The following SETD5 variants were observed in gnomAD, a reference collection of about 807,000 sequenced individuals.
SETD5 encodes SET domain containing 5.
A neutral mutation model predicts 153.3 loss-of-function variants in SETD5; 44 were observed. The observed-to-expected ratio is 0.29, with a 90% CI of 0.23 to 0.37. SETD5 has a LOEUF of 0.37. Among genes scored for constraint, SETD5 ranks in the 10% least tolerant of loss-of-function variants. SETD5 has a pLI of 1.00. For synonymous variants in SETD5, 716 were observed against 645.2 expected (o/e 1.11, Z -1.66); for missense variants, 1,544 against 1,768.0 (o/e 0.87, Z 2.27).
intron 1 of SETD5, among the ~76,000 whole-genome samples, chr3:9,412,386 G>GTT (rs1559356848): frequency 1.7e-5 from 2 of 114,546 alleles, no homozygotes; most frequent in African/African-American, 6.2e-5. Context: ...CACAGTTTTG[G>GTT]GTTTTTTTTT....
At chr3:9,451,686 T>A (rs1365146899) in intron 16 of SETD5, among the ~76,000 whole-genome samples, 1 of 152,108 alleles carries the variant, frequency 6.6e-6, no homozygotes, top group Non-Finnish European at 1.5e-5. Context: ...GTGCAAGGAG[T>A]CTGCCCACCT....
chr3:9,429,773 G>C, intron 3 of SETD5: 1 of 1,187,066 alleles, frequency 8.4e-7, no homozygotes, highest in East Asian at 6.4e-5. Context: ...CCTGCTCACA[G>C]ATTCCCCCTC....
intron 3 of SETD5, chr3:9,433,319 A>T (rs2040188821): frequency 8.3e-7 from 1 of 1,202,784 alleles, no homozygotes; most frequent in East Asian, 5.8e-5. Flanking sequence ...CATCAAGATG[A>T]GAGGTATGAT....
intron 3 of SETD5, chr3:9,431,255 T>A: frequency 1.0e-6 from 1 of 985,382 alleles, no homozygotes; most frequent in Non-Finnish European, 1.2e-6. Flanking sequence ...ATTTCAGGCA[T>A]TTTCCAAGAA....
chr3:9,460,431 CTTT>C (rs74948528), intron 17 of SETD5, among the ~76,000 whole-genome samples: 2 of 138,624 alleles, frequency 1.4e-5, no homozygotes, highest in African/African-American at 2.6e-5. Context: ...AAAATCCTAA[CTTT>C]TTTTTTTTTT....
At chr3:9,399,157 C>T (rs150764090) in intron 1 of SETD5, among the ~76,000 whole-genome samples, 1 of 152,266 alleles carries the variant, frequency 6.6e-6, no homozygotes, top group Admixed American at 6.5e-5. Context: ...ATATTTGTGA[C>T]CAAGGTCATA....
intron 1 of SETD5, among the ~76,000 whole-genome samples, chr3:9,416,887 A>G (rs190768583): frequency 4.6e-5 from 7 of 152,212 alleles, no homozygotes; most frequent in Middle Eastern, 3.4e-3. Flanking sequence ...CTGGGTAGGG[A>G]ACATTGGGTT....
At chr3:9,410,836 C>A (rs919743318) in intron 1 of SETD5, among the ~76,000 whole-genome samples, 1 of 151,812 alleles carries the variant, frequency 6.6e-6, no homozygotes, top group Non-Finnish European at 1.5e-5. Context: ...TGGCTTAATA[C>A]AAGCAGTTTG....
intron 3 of SETD5, chr3:9,429,693 A>T: frequency 2.8e-6 from 1 of 354,326 alleles, no homozygotes; most frequent in Non-Finnish European, 5.1e-6. Context: ...ACAACTTTAT[A>T]TATATTATTC....
In SETD5 at chr3:9,447,076, C is replaced by T. The variant is rs762880160; in HGVS notation, c.1551C>T (p.Ala517=). 2 of 1,612,468 alleles carry T rather than the reference C, an allele frequency of 1.2e-6. No individual in the cohort carries two copies. The highest frequency in any genetic ancestry group is 4.5e-5 in the East Asian group (2 of 44,844). The change falls in exon 14 of 23, where the codon GCC becomes GCT. Residue 517 remains alanine (A), a synonymous_variant. Coordinates refer to ENST00000402198, the MANE Select transcript of SETD5 (RefSeq NM_001080517.3). The stretch of plus-strand genomic sequence containing the variant: ...CCAGGGAAGATAGAAAGGTAGAAGC[C>T]ATCATGCATGCTTTTGAAAACTTAG... ...RRTREDRKVE[A]IMHAFENLEK... is the part of the protein sequence containing the mutation.
At chr3:9,426,268 C>G (rs2039230101) in intron 2 of SETD5, 1 of 100,950 alleles carries the variant, frequency 9.9e-6, no homozygotes, top group African/African-American at 3.6e-5. Flanking sequence ...CAGGGACTCA[C>G]TTTGTTGCCC....
chr3:9,427,235 A>G (rs374761234), intron 2 of SETD5, among the ~76,000 whole-genome samples: 39 of 152,266 alleles, frequency 2.6e-4, no homozygotes, highest in African/African-American at 8.9e-4. Context: ...GGAGCATCTC[A>G]GACCATCTAC....
intron 10 of SETD5, chr3:9,442,965 G>A (rs75537699): frequency 4.7e-5 from 9 of 190,904 alleles, no homozygotes; most frequent in South Asian, 3.0e-4. Flanking sequence ...GCTTGAACCC[G>A]GGAGGCAGAG....
chr3:9,434,798 A>T lies in SETD5; in HGVS notation c.330-26A>T, dbSNP rs562770008. 7 of 1,606,466 alleles carry T rather than the reference A, an allele frequency of 4.4e-6. No individual in the cohort carries two copies. The African/African-American group carries it at 9.3e-5, about 21-fold the overall frequency. On this transcript the variant is annotated intron_variant, in intron 5 of 22. Coordinates refer to ENST00000402198, the MANE Select transcript of SETD5 (RefSeq NM_001080517.3). This position sits in a 1 kb window ranked among gnomAD's most constrained non-coding sequence, Gnocchi z 5.6. The stretch of plus-strand genomic sequence containing the variant: ...TGTGATGCATGCTGTTGGAAGGACT[A>T]CTTTAAGTTTATTTTCCCTCTTTAG...
chr3:9,435,803 A>T lies in SETD5; in HGVS notation c.464A>T (p.His155Leu). The T allele has an allele frequency of 1.2e-6, 2 of 1,603,130 alleles. No individual in the cohort carries two copies. The highest frequency in any genetic ancestry group is 1.7e-6 in the Non-Finnish European group (2 of 1,174,616). The part of the protein sequence containing the change: ...PSTVLYTATQ[H>L]TPTSITLTVR... ...ACTGTGTTGTATACAGCAACACAGC[A>T]CACACCTACAAGCATCACCTTAACT... The change falls in exon 7 of 23, where the codon CAC becomes CTC. Residue 155 changes from histidine to leucine, a missense_variant. By Grantham distance (99) the His-to-Leu change is moderately conservative (BLOSUM62 -3). Transcript: ENST00000402198.
At chr3:9,428,781 C>T (rs1419003904) in intron 2 of SETD5, 42 bp from the exon 3 acceptor site, 1 of 461,094 alleles carries the variant, frequency 2.2e-6, no homozygotes, top group East Asian at 3.4e-5. Flanking sequence ...TATCTGATAA[C>T]TAGGTATTTA....
chr3:9,453,824 G>A lies in SETD5; in HGVS notation c.2432G>A (p.Ser811Asn). The A allele has an allele frequency of 1.9e-6, 3 of 1,604,168 alleles. No homozygotes were observed. Among genetic ancestry groups the A allele is most frequent in the Middle Eastern group, 1.7e-4 (1 of 6,018 alleles). The stretch of plus-strand genomic sequence containing the variant: ...ACTAGAACTCAGCACCTATACCAAA[G>A]CAATGAGAATAGTAGCTCTTCTAGT... ...QETRTQHLYQ[S>N]NENSSSSSIC... The change falls in exon 17 of 23, where the codon AGC (serine) becomes AAC (asparagine). Residue 811 changes from serine to asparagine, a missense_variant. Ser to Asn is a conservative substitution (Grantham distance 46). Around this residue, in one of 9 missense-constraint regions of SETD5, gnomAD observed 782 missense variants for 787.2 expected, o/e 0.99. Transcript: ENST00000402198.
intron 3 of SETD5, chr3:9,429,769 C>T: frequency 1.7e-6 from 2 of 1,166,508 alleles, no homozygotes; most frequent in South Asian, 3.0e-5. Context: ...TCCCCCTGCT[C>T]ACAGATTCCC....
In SETD5 at chr3:9,434,894, A is replaced by G; in HGVS notation, c.388+12A>G. On this transcript the variant is annotated intron_variant, in intron 6 of 22. Transcript: ENST00000402198. The surrounding 1 kb of genome is among the most constrained non-coding windows in gnomAD (Gnocchi z 5.6). ...GGACAACATATCAGGTGAGCGGAAG[A>G]TGGGTTAGGTCCACAATTTGACATA... The G allele has an allele frequency of 6.2e-7, 1 of 1,612,172 alleles. No homozygotes were observed. Among genetic ancestry groups the G allele is most frequent in the South Asian group, 1.1e-5 (1 of 90,582 alleles).
Sources: gnomAD v4.1 joint callset for allele counts (sites outside exome capture counted in the v4.1 genomes callset) on GRCh38, gnomAD v4.1.1 for gene constraint, gnomAD v4.1.1 regional missense constraint, Gnocchi (gnomAD v3.1) non-coding constraint, MANE v1.5 for transcripts, NCBI Gene and HGNC (gene_info 2026-07-23, HGNC 2026-07-21) for gene names.